ZFHX3: variants seen among roughly 807,000 people sequenced by gnomAD.
ZFHX3 encodes zinc finger homeobox protein 3.
ZFHX3 carries 42 observed loss-of-function variants against 279.1 expected under a neutral mutation model. The ratio of observed to expected loss-of-function variants is 0.15; its 90% CI spans 0.12 to 0.19. ZFHX3 has a LOEUF of 0.19. Among genes scored for constraint, ZFHX3 ranks in the 10% least tolerant of loss-of-function variants. The pLI is 1.00. For synonymous variants in ZFHX3, 2,293 were observed against 1,957.8 expected, an observed-to-expected ratio of 1.17 and a Z score of -4.52; for missense variants, 4,981 against 4,754.0, an observed-to-expected ratio of 1.05 and a Z score of -1.40.
intron 1 of ZFHX3, among the ~76,000 whole-genome samples, chr16:73,750,040 C>T (rs912661486): frequency 6.6e-6 from 1 of 152,196 alleles, no homozygotes; most frequent in Admixed American, 6.5e-5. Context: ...ATTCACCCAT[C>T]CATCCAATGG....
At chr16:73,180,229 T>C (rs1024378868) in intron 5 of ZFHX3, among the ~76,000 whole-genome samples, 10 of 152,168 alleles carry the variant, frequency 6.6e-5, no homozygotes, top group Non-Finnish European at 1.2e-4. Flanking sequence ...AACGCAGGCT[T>C]GCTGTACACA....
chr16:73,085,230 T>C (rs1292065337), intron 8 of ZFHX3, among the ~76,000 whole-genome samples: 2 of 152,122 alleles, frequency 1.3e-5, no homozygotes, highest in African/African-American at 2.4e-5. Context: ...CAGAAATAAG[T>C]CCACACATTT....
At chr16:73,749,388 G>C (rs2053737268) in intron 1 of ZFHX3, among the ~76,000 whole-genome samples, 1 of 151,902 alleles carries the variant, frequency 6.6e-6, no homozygotes, top group African/African-American at 2.4e-5. Flanking sequence ...CTACCTTCCA[G>C]GCAGGGTTCC....
intron 2 of ZFHX3, among the ~76,000 whole-genome samples, chr16:73,468,964 G>A (rs2018618018): frequency 1.3e-5 from 2 of 152,234 alleles, no homozygotes; most frequent in African/African-American, 4.8e-5. Context: ...TGTGTGATAA[G>A]TGCTTTAGAA....
At chr16:73,756,284 T>C (rs1023555948) in intron 1 of ZFHX3, among the ~76,000 whole-genome samples, 6 of 152,206 alleles carry the variant, frequency 3.9e-5, no homozygotes, top group African/African-American at 1.2e-4. Flanking sequence ...CCGTTTTTGT[T>C]GGAGGGGTAG....
intron 3 of ZFHX3, among the ~76,000 whole-genome samples, chr16:72,923,895 G>C (rs1010228219): frequency 1.3e-5 from 2 of 152,204 alleles, no homozygotes; most frequent in Non-Finnish European, 2.9e-5. Flanking sequence ...CTACTGGGCA[G>C]GTCCACGTCT....
intron 1 of ZFHX3, among the ~76,000 whole-genome samples, chr16:73,745,188 T>G (rs1266311527): frequency 1.3e-5 from 2 of 152,192 alleles, no homozygotes; most frequent in Non-Finnish European, 2.9e-5. Context: ...TTTCTTGATA[T>G]TTGAGAGACC....
At chr16:73,611,637 G>T (rs941430709) in intron 2 of ZFHX3, among the ~76,000 whole-genome samples, 4 of 152,128 alleles carry the variant, frequency 2.6e-5, no homozygotes, top group African/African-American at 9.7e-5. Flanking sequence ...ATCCAGTGAA[G>T]GTCTAATTAG....
intron 1 of ZFHX3, among the ~76,000 whole-genome samples, chr16:73,690,029 C>T (rs1361937144): frequency 6.6e-6 from 1 of 152,102 alleles, no homozygotes; most frequent in Non-Finnish European, 1.5e-5. Flanking sequence ...AATTGCCCTG[C>T]CTCAGCCTCC....
intron 1 of ZFHX3, among the ~76,000 whole-genome samples, chr16:73,868,567 G>A (rs1962088456): frequency 6.6e-6 from 1 of 152,148 alleles, no homozygotes; most frequent in Admixed American, 6.5e-5. Context: ...TTGCTGAGTG[G>A]CATTCCCACA....
chr16:72,970,079 T>C (rs1439667402), intron 1 of ZFHX3, among the ~76,000 whole-genome samples: 1 of 152,172 alleles, frequency 6.6e-6, no homozygotes, highest in African/African-American at 2.4e-5. Flanking sequence ...GCTCAGCCCA[T>C]TCTGCAGGGA....
chr16:73,439,033 C>G (rs2018042033), intron 3 of ZFHX3, among the ~76,000 whole-genome samples: 1 of 152,246 alleles, frequency 6.6e-6, no homozygotes, highest in African/African-American at 2.4e-5. Context: ...AGCAGCACAT[C>G]TGTCTCAGAC....
At chr16:73,724,872 C>T (rs1032565504) in intron 1 of ZFHX3, among the ~76,000 whole-genome samples, 2 of 152,214 alleles carry the variant, frequency 1.3e-5, no homozygotes, top group Non-Finnish European at 2.9e-5. Flanking sequence ...TCCACCCCTA[C>T]CCCTCATCAG....
intron 6 of ZFHX3, among the ~76,000 whole-genome samples, chr16:73,139,057 C>T (rs1027161427): frequency 6.6e-6 from 1 of 152,208 alleles, no homozygotes; most frequent in Non-Finnish European, 1.5e-5. Context: ...TTGAAGGGGA[C>T]AGCATCTCCA....
At chr16:73,367,651 G>A (rs1019298642) in intron 3 of ZFHX3, among the ~76,000 whole-genome samples, 6 of 152,136 alleles carry the variant, frequency 3.9e-5, no homozygotes, top group Admixed American at 3.9e-4. Flanking sequence ...AGGATTACAG[G>A]TGCTGTCCAG....
chr16:73,575,520 A>G (rs927114533), intron 2 of ZFHX3, among the ~76,000 whole-genome samples: 7 of 152,200 alleles, frequency 4.6e-5, no homozygotes, highest in African/African-American at 1.7e-4. Context: ...CAGGTGGAAA[A>G]AACATCAACA....
At chr16:73,638,377 T>C (rs1453522636) in intron 2 of ZFHX3, among the ~76,000 whole-genome samples, 1 of 152,202 alleles carries the variant, frequency 6.6e-6, no homozygotes, top group Non-Finnish European at 1.5e-5. Flanking sequence ...TCAGCCCAAT[T>C]AGGCATTGCA....
At chr16:73,671,830 T>G (rs1349248218) in intron 2 of ZFHX3, among the ~76,000 whole-genome samples, 2 of 152,218 alleles carry the variant, frequency 1.3e-5, no homozygotes, top group Non-Finnish European at 2.9e-5. Flanking sequence ...GTTTTAAATA[T>G]CATAAAATAG....
intron 1 of ZFHX3, among the ~76,000 whole-genome samples, chr16:73,788,713 A>AAT (rs965262336): frequency 1.3e-5 from 2 of 148,752 alleles, no homozygotes; most frequent in Non-Finnish European, 3.0e-5. Context: ...GGAATAGGAA[A>AAT]ATATATATAT....
Sources: gnomAD v4.1 joint callset for allele counts (sites outside exome capture counted in the v4.1 genomes callset) on GRCh38, gnomAD v4.1.1 for gene constraint, MANE v1.5 for transcripts, NCBI Gene and HGNC (gene_info 2026-07-23, HGNC 2026-07-21) for gene names.